Variants in DNM2 observed in about 807,000 individuals in gnomAD.
DNM2 encodes the protein dynamin 2.
A neutral mutation model predicts 99.0 loss-of-function variants in DNM2; 15 were observed. That is an observed-to-expected ratio of 0.15 (90% CI 0.10 to 0.23). DNM2 has a LOEUF of 0.23. DNM2 is among the 10% of genes least tolerant of loss of function. The pLI is 1.00. For missense variants in DNM2, 742 were observed against 1,189.4 expected (o/e 0.62, Z 5.53); for synonymous variants, 525 against 481.2 (o/e 1.09, Z -1.19).
intron 12 of DNM2, among the ~76,000 whole-genome samples, chr19:10,802,859 G>A (rs535492822): frequency 1.5e-4 from 23 of 152,346 alleles, no homozygotes; most frequent in African/African-American, 5.0e-4. Flanking sequence ...CCCACATCGG[G>A]GAGCCCTGAT....
At chr19:10,768,023 T>G (rs993855604) in intron 2 of DNM2, among the ~76,000 whole-genome samples, 2 of 152,174 alleles carry the variant, frequency 1.3e-5, no homozygotes, top group African/African-American at 2.4e-5. Flanking sequence ...TGCCTGGGCC[T>G]TTTTCTCTGG....
rs1196301698 is a variant in DNM2 at position 10,817,256 on chromosome 19, G to GGCCGGCCTCGGGGCTCCCTCT, written c.1672-2720_1672-2700dup. On this transcript the variant is annotated intron_variant, in intron 15 of 20. Coordinates refer to ENST00000389253, the MANE Select transcript of DNM2 (RefSeq NM_001005361.3). The surrounding 1 kb of genome is among the most constrained non-coding windows in gnomAD (Gnocchi z 4.6). ...ATAGGGCCAGGGCCTCCAACCCCTC[G>GGCCGGCCTCGGGGCTCCCTCT]GCCGGCCTCGGGGCTCCCTCTGCCT... 1.3e-5 allele frequency among the ~76,000 whole-genome samples: 2 copies of GGCCGGCCTCGGGGCTCCCTCT among 152,118 alleles called. No homozygotes were observed. Among genetic ancestry groups the GGCCGGCCTCGGGGCTCCCTCT allele is most frequent in the Non-Finnish European group, 2.9e-5 (2 of 67,996 alleles).
At chr19:10,726,963 A>T (rs2069136820) in intron 1 of DNM2, among the ~76,000 whole-genome samples, 1 of 152,206 alleles carries the variant, frequency 6.6e-6, no homozygotes, top group South Asian at 2.1e-4. Flanking sequence ...ATCTAGAAGA[A>T]TCTTTAATGA....
At chr19:10,786,002 G>A (rs1442191484) in intron 6 of DNM2, among the ~76,000 whole-genome samples, 2 of 151,970 alleles carry the variant, frequency 1.3e-5, no homozygotes, top group Non-Finnish European at 2.9e-5. Flanking sequence ...GTTTCATTGT[G>A]TTGGCCAGGC....
intron 1 of DNM2, chr19:10,718,621 C>A: frequency 3.5e-6 from 2 of 578,456 alleles, no homozygotes; most frequent in Non-Finnish European, 4.9e-6. Flanking sequence ...GGCGGTGTCA[C>A]GGGCCAGGGC....
chr19:10,788,232 CAAAAA>C (rs55881063), intron 7 of DNM2, among the ~76,000 whole-genome samples: 8 of 57,012 alleles, frequency 1.4e-4, no homozygotes, highest in African/African-American at 4.8e-4. Context: ...GACTCCGTCT[CAAAAA>C]AAAAAAAAAA....
At chr19:10,828,446 G>T (rs1012911238) in intron 18 of DNM2, among the ~76,000 whole-genome samples, 6 of 151,976 alleles carry the variant, frequency 3.9e-5, no homozygotes, top group Non-Finnish European at 7.4e-5. Flanking sequence ...AATAAGCTGG[G>T]CGTGGTGGCA....
chr19:10,825,692 G>GAGAGAAAA (rs796576513), intron 18 of DNM2, among the ~76,000 whole-genome samples: 1 of 147,996 alleles, frequency 6.8e-6, no homozygotes, highest in African/African-American at 2.5e-5. Context: ...GAGAGAGAGA[G>GAGAGAAAA]AAAAATACAA....
At chr19:10,807,681 G>T (rs113084827) in intron 13 of DNM2, among the ~76,000 whole-genome samples, 2 of 146,138 alleles carry the variant, frequency 1.4e-5, no homozygotes, top group African/African-American at 5.1e-5. Flanking sequence ...TCTGAGTAGC[G>T]ACGATTACAG....
In DNM2 at chr19:10,829,121, A is replaced by G. The variant is rs374041367; in HGVS notation, c.2144A>G (p.Gln715Arg). The G allele has an allele frequency of 2.5e-6, 4 of 1,613,952 alleles. No individual in the cohort carries two copies. The highest frequency in any genetic ancestry group is 3.4e-6 in the Non-Finnish European group (4 of 1,180,024). The change falls in exon 19 of 21, where the codon CAG becomes CGG. Residue 715 changes from glutamine to arginine, a missense_variant. Around this residue, in one of 7 missense-constraint regions of DNM2, gnomAD observed 240 missense variants for 431.3 expected, o/e 0.56. Transcript: ENST00000389253. ...AGCCTCATGGAGGAGTCGGCTGACC[A>G]GGCACAGCGGCGGGACGACATGCTG... ...QSSLMEESADQAQRRDDMLRM... is the reference protein window; with the variant it reads ...QSSLMEESADRAQRRDDMLRM...
chr19:10,778,737 C>A (rs2071241544), intron 5 of DNM2, among the ~76,000 whole-genome samples: 1 of 152,048 alleles, frequency 6.6e-6, no homozygotes, highest in South Asian at 2.1e-4. Context: ...CTTCCCCTTG[C>A]CATCCCATTT....
intron 2 of DNM2, among the ~76,000 whole-genome samples, chr19:10,761,802 C>T (rs1000501719): frequency 7.2e-5 from 11 of 152,250 alleles, no homozygotes; most frequent in African/African-American, 2.2e-4. Context: ...CCCAACCTGG[C>T]AAGAAGGCGT....
intron 7 of DNM2, among the ~76,000 whole-genome samples, chr19:10,790,319 G>A (rs2071709214): frequency 8.6e-6 from 1 of 115,708 alleles, no homozygotes; most frequent in African/African-American, 3.1e-5. Context: ...GTTTGTTTTT[G>A]GCCTTAACCG....
In DNM2 at chr19:10,820,116, G is replaced by T. The variant is rs990415845; in HGVS notation, c.1781+27G>T. The T allele has an allele frequency of 6.2e-7, 1 of 1,610,780 alleles. No individual in the cohort carries two copies. Among genetic ancestry groups the T allele is most frequent in the African/African-American group, 1.3e-5 (1 of 74,848 alleles). On this transcript the variant is annotated intron_variant, in intron 16 of 20. Transcript: ENST00000389253. The surrounding 1 kb of genome is among the most constrained non-coding windows in gnomAD (Gnocchi z 4.3). ...TGAGGGGCCCAGGGGCCTGGGGATG[G>T]CTCGGGGTGAAGACCAATGGCCTCA...
chr19:10,755,755 C>G (rs1366412574), intron 1 of DNM2, among the ~76,000 whole-genome samples: 1 of 152,082 alleles, frequency 6.6e-6, no homozygotes, highest in Non-Finnish European at 1.5e-5. Context: ...TCTCCGCCTC[C>G]CGGGTTCAAG....
chr19:10,733,863 C>G (rs1016739403), intron 1 of DNM2, among the ~76,000 whole-genome samples: 1 of 151,624 alleles, frequency 6.6e-6, no homozygotes, highest in Non-Finnish European at 1.5e-5. Flanking sequence ...AAAAAATTAG[C>G]CAGGTGTGGG....
rs903778956 is a variant in DNM2 at position 10,812,887 on chromosome 19, C to T, written c.1671+510C>T. ...ACATTGTACCTGGCCCCCATGGGAC[C>T]AGCTCCTAGAGTGCAAAAGGGAGAT... On this transcript the variant is annotated intron_variant, in intron 15 of 20. Coordinates refer to ENST00000389253, the MANE Select transcript of DNM2 (RefSeq NM_001005361.3). This position sits in a 1 kb window ranked among gnomAD's most constrained non-coding sequence, Gnocchi z 4.0. 7.2e-5 allele frequency among the ~76,000 whole-genome samples: 11 copies of T among 152,212 alleles called. No individual in the cohort carries two copies. Among genetic ancestry groups the T allele is most frequent in the African/African-American group, 1.9e-4 (8 of 41,444 alleles).
At chr19:10,774,160 C>G (rs935977148) in intron 3 of DNM2, among the ~76,000 whole-genome samples, 1 of 152,170 alleles carries the variant, frequency 6.6e-6, no homozygotes, top group African/African-American at 2.4e-5. Context: ...CAAACATGAG[C>G]TGGGTGTGGT....
At chr19:10,752,789 G>A (rs1306226990) in intron 1 of DNM2, among the ~76,000 whole-genome samples, 1 of 152,184 alleles carries the variant, frequency 6.6e-6, no homozygotes, top group African/African-American at 2.4e-5. Flanking sequence ...GTGCAGTGGG[G>A]TCATTGCAGG....
Sources: allele counts gnomAD v4.1 joint callset (sites outside exome capture counted in the v4.1 genomes callset), GRCh38; gene constraint gnomAD v4.1.1; regional missense constraint gnomAD v4.1.1; non-coding constraint Gnocchi (gnomAD v3.1); transcripts MANE v1.5; gene names NCBI Gene and HGNC (gene_info 2026-07-23, HGNC 2026-07-21).